Variants in UGGT2 observed in about 807,000 individuals in gnomAD.
UGGT2 encodes the protein UDP-glucose:glycoprotein glucosyltransferase 2.
UGGT2 carries 180 observed loss-of-function variants against 192.1 expected under a neutral mutation model. That is an observed-to-expected ratio of 0.94 (90% CI 0.83 to 1.06). UGGT2 has a LOEUF of 1.06. UGGT2 is among the 50% of genes least tolerant of loss of function. UGGT2 has a pLI of 0.00. For missense variants in UGGT2, 1,849 were observed against 1,795.7 expected (o/e 1.03, Z -0.54); for synonymous variants, 580 against 591.0 (o/e 0.98, Z 0.27).
At chr13:95,930,167 A>G (rs1169028783) in intron 17 of UGGT2, among the ~76,000 whole-genome samples, 2 of 152,260 alleles carry the variant, frequency 1.3e-5, no homozygotes. Flanking sequence ...ACTTATGGAT[A>G]TTAGAATTTT....
intron 26 of UGGT2, among the ~76,000 whole-genome samples, chr13:95,887,041 C>A (rs1404520431): frequency 6.6e-6 from 1 of 151,832 alleles, no homozygotes; most frequent in Non-Finnish European, 1.5e-5. Context: ...GAGTGAGAAC[C>A]TGTCTCCAAA....
intron 22 of UGGT2, among the ~76,000 whole-genome samples, chr13:95,896,052 C>T (rs1469337422): frequency 6.6e-6 from 1 of 152,044 alleles, no homozygotes; most frequent in African/African-American, 2.4e-5. Context: ...ACATAACAAT[C>T]ATTCTAACAC....
chr13:96,028,713 G>C (rs1465310876), intron 2 of UGGT2, among the ~76,000 whole-genome samples: 1 of 152,076 alleles, frequency 6.6e-6, no homozygotes, highest in African/African-American at 2.4e-5. Context: ...AATTTTTTTA[G>C]GCAGGTGGAT....
rs1310241364 is a variant in UGGT2 at position 95,892,636 on chromosome 13, T to G, written c.2856-1672A>C. 3.3e-5 allele frequency among the ~76,000 whole-genome samples: 5 copies of G among 152,186 alleles called. No homozygotes were observed. In the East Asian group the frequency reaches 5.8e-4, roughly 18 times the overall value. On this transcript the variant is annotated intron_variant, in intron 24 of 38. Coordinates refer to ENST00000376747, the MANE Select transcript of UGGT2 (RefSeq NM_020121.4). Reference sequence around the variant, plus strand: ...GAATTTTGTTATGATACTGTTAACCTATCTATAAAATAGGTCAAGTAATCT... The same window carrying G: ...GAATTTTGTTATGATACTGTTAACCGATCTATAAAATAGGTCAAGTAATCT...
At chr13:95,972,129 T>C (rs2140791438) in intron 11 of UGGT2, among the ~76,000 whole-genome samples, 1 of 119,574 alleles carries the variant, frequency 8.4e-6, no homozygotes, top group Non-Finnish European at 1.7e-5. Flanking sequence ...CAAAAAAATT[T>C]TGAAGAATTT....
chr13:95,983,901 T>A lies in UGGT2; in HGVS notation c.1032-37A>T, dbSNP rs764088939. The A allele has an allele frequency of 2.1e-6, 3 of 1,418,998 alleles. No individual in the cohort carries two copies. In the African/African-American group the frequency reaches 4.3e-5, roughly 20 times the overall value. The allele number at this position is 1,418,998 out of a possible 1,614,324, so 87.9% of individuals were successfully genotyped here. A position where few individuals can be genotyped will look rare whatever the true frequency, so the allele number is the denominator to read the frequency against. On this transcript the variant is annotated intron_variant, in intron 9 of 38. Transcript: ENST00000376747. ...AATACTAATATAATTGATCCTTCCTTAAATGTTTAGAACTGATCTATATAA... is the reference window on the plus strand; with the variant it reads ...AATACTAATATAATTGATCCTTCCTAAAATGTTTAGAACTGATCTATATAA...
chr13:95,922,640 G>GGCAAAACCCGTCTCT (rs1418950093), intron 20 of UGGT2, among the ~76,000 whole-genome samples: 1 of 132,842 alleles, frequency 7.5e-6, no homozygotes, highest in Non-Finnish European at 1.7e-5. Context: ...TGGATGACAT[G>GGCAAAACCCGTCTCT]GCAAAACCCG....
chr13:95,861,924 C>T (rs7984584), intron 31 of UGGT2, among the ~76,000 whole-genome samples: 54,888 of 151,910 alleles, frequency 0.36, 10,364 homozygotes, highest in Non-Finnish European at 0.42. Context: ...TTACCATCTC[C>T]GTTTCTAACA....
At chr13:95,802,753 C>T (rs973463572) in intron 38 of UGGT2, among the ~76,000 whole-genome samples, 1 of 152,212 alleles carries the variant, frequency 6.6e-6, no homozygotes, top group Admixed American at 6.5e-5. Flanking sequence ...CAGCTCCCCA[C>T]CCCACTCTCA....
intron 20 of UGGT2, among the ~76,000 whole-genome samples, chr13:95,903,489 T>C (rs994743884): frequency 1.3e-5 from 2 of 152,220 alleles, no homozygotes; most frequent in African/African-American, 2.4e-5. Flanking sequence ...TTGTCATTTA[T>C]GGTAATAACA....
chr13:95,856,276 G>C lies in UGGT2; in HGVS notation c.3890C>G (p.Pro1297Arg). Residue 1297 changes from proline (P) to arginine (R), a missense_variant, in exon 34 of 39, where the codon CCC (proline) becomes CGC (arginine). Physicochemically the swap from Pro to Arg is moderately radical, Grantham distance 103. Transcript: ENST00000376747. ...TTCAGTCTGTTGACGAAGCCAACGG[G>C]GCCACCTATATTGAACTAGTTCATA... ...FRYELVQYRW[P>R]RWLRQQTERQ... 1 of 1,613,522 alleles carries C rather than the reference G, an allele frequency of 6.2e-7. No homozygotes were observed. Among genetic ancestry groups the C allele is most frequent in the Non-Finnish European group, 8.5e-7 (1 of 1,179,770 alleles).
intron 4 of UGGT2, among the ~76,000 whole-genome samples, chr13:96,021,788 A>G (rs2139113049): frequency 6.6e-6 from 1 of 152,296 alleles, no homozygotes; most frequent in South Asian, 2.1e-4. Context: ...AAATAAAGCA[A>G]TTATTTCTGC....
At chr13:95,823,747 C>T (rs1885738915) in intron 38 of UGGT2, among the ~76,000 whole-genome samples, 2 of 151,976 alleles carry the variant, frequency 1.3e-5, no homozygotes. Flanking sequence ...AGCATTTAGG[C>T]CATTTACATT....
chr13:95,814,355 C>T (rs1219483810), intron 38 of UGGT2, among the ~76,000 whole-genome samples: 1 of 152,216 alleles, frequency 6.6e-6, no homozygotes, highest in Non-Finnish European at 1.5e-5. Context: ...GCCCACCCTT[C>T]ATATCAGTGT....
chr13:95,933,456 T>C (rs1467993408), intron 17 of UGGT2, among the ~76,000 whole-genome samples: 1 of 152,210 alleles, frequency 6.6e-6, no homozygotes, highest in Non-Finnish European at 1.5e-5. Flanking sequence ...TTCTCCTTTT[T>C]CTGTTAATCT....
intron 1 of UGGT2, among the ~76,000 whole-genome samples, chr13:96,048,580 T>C (rs893484901): frequency 6.6e-6 from 1 of 152,064 alleles, no homozygotes; most frequent in Non-Finnish European, 1.5e-5. Context: ...ACAAAATTGA[T>C]AGACCGCTAG....
intron 10 of UGGT2, among the ~76,000 whole-genome samples, chr13:95,979,257 G>A (rs1164322077): frequency 1.3e-5 from 2 of 152,114 alleles, no homozygotes; most frequent in South Asian, 2.1e-4. Context: ...GAAATTTGCT[G>A]TACTTTGGAG....
intron 17 of UGGT2, among the ~76,000 whole-genome samples, chr13:95,936,055 T>G (rs1048244198): frequency 2.0e-5 from 3 of 152,130 alleles, no homozygotes; most frequent in Admixed American, 1.3e-4. Flanking sequence ...CTCAAACTCA[T>G]CAGCTCAAGT....
rs771941056 is a variant in UGGT2, at chr13:95,877,769, G to A, written c.3316C>T (p.Arg1106Trp). ...GTGCCTAGTGTGAACTGCAGACCCC[G>A]AGGAGGCTGTTCTGTCACTTTATCA... Reference protein sequence around the residue: ...CFDKVTEQPPRGLQFTLGTKN... With the variant: ...CFDKVTEQPPWGLQFTLGTKN... Residue 1106 changes from arginine (R) to tryptophan (W), a missense_variant, in exon 28 of 39, where the codon CGG (arginine) becomes TGG (tryptophan). Arg to Trp is a moderately radical substitution (Grantham distance 101). Coordinates refer to ENST00000376747, the MANE Select transcript of UGGT2 (RefSeq NM_020121.4). 2.5e-6 allele frequency: 4 copies of A among 1,614,000 alleles called. No individual in the cohort carries two copies. Among genetic ancestry groups the A allele is most frequent in the Non-Finnish European group, 2.5e-6 (3 of 1,179,974 alleles).
Sources: gnomAD v4.1 joint callset for allele counts (sites outside exome capture counted in the v4.1 genomes callset) on GRCh38, gnomAD v4.1.1 for gene constraint, MANE v1.5 for transcripts, NCBI Gene and HGNC (gene_info 2026-07-23, HGNC 2026-07-21) for gene names.